PCDHA10: variants seen among roughly 807,000 people sequenced by gnomAD.
PCDHA10 encodes protocadherin alpha-10.
Under a neutral mutation model 61.2 loss-of-function variants are expected in PCDHA10, and 45 were observed. That is an observed-to-expected ratio of 0.74 (90% confidence interval 0.58 to 0.94). The LOEUF (loss-of-function observed/expected upper bound fraction) is 0.94, where lower values mean the gene tolerates loss of function less well. PCDHA10 is among the 40% of genes least tolerant of loss of function. The probability of loss-of-function intolerance (pLI) is 0.00; values close to 1 mark genes in which losing one functional copy is unlikely to be tolerated. For synonymous variants in PCDHA10, 602 were observed against 548.8 expected (o/e 1.10, Z -1.35); for missense variants, 1,278 against 1,236.2 (o/e 1.03, Z -0.51).
At chr5:141,007,156 G>A (rs1289202250) in intron 3 of PCDHA10, among the ~76,000 whole-genome samples, 2 of 152,148 alleles carry the variant, frequency 1.3e-5, no homozygotes, top group Non-Finnish European at 1.5e-5. Context: ...AACTGTCAAA[G>A]AACAGTCAGA....
intron 1 of PCDHA10, among the ~76,000 whole-genome samples, chr5:140,913,735 G>A (rs1416656981): frequency 6.6e-6 from 1 of 151,834 alleles, no homozygotes; most frequent in Non-Finnish European, 1.5e-5. Context: ...CCCTCTAATA[G>A]TACTCCTTTT....
At chr5:140,884,483 C>T (rs376374275) in intron 1 of PCDHA10, 3 of 1,613,862 alleles carry the variant, frequency 1.9e-6, no homozygotes, top group East Asian at 4.5e-5. Flanking sequence ...CAAGCCCACT[C>T]TAGTGTGCTC....
At chr5:140,969,010 A>C (rs782688503) in intron 1 of PCDHA10, 2 of 1,614,168 alleles carry the variant, frequency 1.2e-6, no homozygotes, top group Admixed American at 3.3e-5. Context: ...TCTGTGGAGT[A>C]AGGGAAAGGT....
intron 1 of PCDHA10, chr5:140,966,838 G>T: frequency 6.4e-7 from 1 of 1,566,772 alleles, no homozygotes. Flanking sequence ...CCTGGCTGCT[G>T]CTACTGCCTC....
intron 1 of PCDHA10, among the ~76,000 whole-genome samples, chr5:140,886,721 G>A (rs2061104522): frequency 6.6e-6 from 1 of 151,592 alleles, no homozygotes; most frequent in Non-Finnish European, 1.5e-5. Context: ...AGCTACTTGG[G>A]AGGCTGAAGC....
At chr5:140,976,929 A>G (rs1289479026) in intron 1 of PCDHA10, among the ~76,000 whole-genome samples, 2 of 152,234 alleles carry the variant, frequency 1.3e-5, no homozygotes, top group South Asian at 2.1e-4. Flanking sequence ...AGTACTGTGT[A>G]GCTACTTAAA....
At chr5:140,971,642 A>T (rs1586490477) in intron 1 of PCDHA10, among the ~76,000 whole-genome samples, 1 of 152,330 alleles carries the variant, frequency 6.6e-6, no homozygotes. Context: ...ATGTGCCTAC[A>T]TTAAAAGTAG....
chr5:140,972,316 GT>G (rs112435719), intron 1 of PCDHA10, among the ~76,000 whole-genome samples: 1,932 of 139,568 alleles, frequency 0.014, 18 homozygotes, highest in African/African-American at 0.036. Context: ...GTTTTTAGGT[GT>G]TTTTTTTTTT....
At chr5:140,990,272 C>T (rs568200508) in intron 3 of PCDHA10, among the ~76,000 whole-genome samples, 12 of 152,196 alleles carry the variant, frequency 7.9e-5, no homozygotes, top group African/African-American at 1.4e-4. Flanking sequence ...CAATGTACCC[C>T]GGGTCTTGAG....
At chr5:140,990,354 G>GA (rs1554251439) in intron 3 of PCDHA10, among the ~76,000 whole-genome samples, 1 of 152,158 alleles carries the variant, frequency 6.6e-6, no homozygotes, top group Non-Finnish European at 1.5e-5. Context: ...GCCCTGTACA[G>GA]AAAATCTAAT....
intron 1 of PCDHA10, among the ~76,000 whole-genome samples, chr5:140,960,767 G>A (rs1160174091): frequency 1.3e-5 from 2 of 152,036 alleles, no homozygotes; most frequent in Admixed American, 6.6e-5. Context: ...GAGTTACAGA[G>A]GAGAAATAGG....
chr5:140,885,998 A>G (rs2060805032), intron 1 of PCDHA10, among the ~76,000 whole-genome samples: 1 of 152,190 alleles, frequency 6.6e-6, no homozygotes, highest in Non-Finnish European at 1.5e-5. Context: ...GTTGAAAGAA[A>G]TAGTAAAGGG....
At chr5:140,914,488 G>T (rs1437401245) in intron 1 of PCDHA10, among the ~76,000 whole-genome samples, 1 of 152,080 alleles carries the variant, frequency 6.6e-6, no homozygotes, top group Non-Finnish European at 1.5e-5. Flanking sequence ...AGTGTTTCTT[G>T]TGGGCAACAG....
chr5:140,928,569 GCCCAGAAATGGTTCTGT>G, intron 1 of PCDHA10: 1 of 1,614,202 alleles, frequency 6.2e-7, no homozygotes, highest in Non-Finnish European at 8.5e-7. Flanking sequence ...TGTTTCCCTT[GCCCAGAAATGGTTCTGT>G]CCCAGTGGAA....
intron 1 of PCDHA10, among the ~76,000 whole-genome samples, chr5:140,965,292 C>T (rs1305794672): frequency 6.6e-6 from 1 of 152,152 alleles, no homozygotes; most frequent in Non-Finnish European, 1.5e-5. Flanking sequence ...GAAAGATTTC[C>T]TCTGATCCTT....
At chr5:140,968,946 GCAT>G in intron 1 of PCDHA10, 4 of 1,614,172 alleles carry the variant, frequency 2.5e-6, no homozygotes, top group Non-Finnish European at 3.4e-6. Flanking sequence ...ATCATTTTGA[GCAT>G]CATCAAGTGC....
chr5:140,993,462 TCACACACACACACACACA>T (rs3836747), intron 3 of PCDHA10, among the ~76,000 whole-genome samples: 75 of 141,044 alleles, frequency 5.3e-4, no homozygotes, highest in African/African-American at 1.6e-3. Flanking sequence ...TCTTTCTTTC[TCACACACACACACACACA>T]CACACACACA....
At chr5:140,928,096 C>T (rs145229632) in intron 1 of PCDHA10, 1 of 1,614,170 alleles carries the variant, frequency 6.2e-7, no homozygotes, top group Non-Finnish European at 8.5e-7. Context: ...GATTGATGGG[C>T]CCCTGGACCG....
rs782779617 is a variant in PCDHA10 at position 140,857,239 on chromosome 5, G to C, written c.1191G>C (p.Val397=). The change falls in exon 1 of 4, where the codon GTG becomes GTC. Residue 397 remains valine (V), a synonymous_variant. Coordinates refer to ENST00000307360, the MANE Select transcript of PCDHA10 (RefSeq NM_018901.4). ...SLTPHVPFKL[V]STYKNYYSLV... ...CGCCTCACGTTCCGTTCAAGCTGGT[G>C]TCCACCTACAAGAATTACTACTCAT... is the stretch of plus-strand genomic sequence containing the variant. The C allele has an allele frequency of 6.9e-6, 11 of 1,598,550 alleles. 2 individuals carry two copies. The highest frequency in any genetic ancestry group is 7.7e-6 in the Non-Finnish European group (9 of 1,167,946).
Sources: gnomAD v4.1 joint callset for allele counts (sites outside exome capture counted in the v4.1 genomes callset) on GRCh38, gnomAD v4.1.1 for gene constraint, MANE v1.5 for transcripts, NCBI Gene and HGNC (gene_info 2026-07-23, HGNC 2026-07-21) for gene names.